DHRS3: variants seen among roughly 807,000 people sequenced by gnomAD.
DHRS3 encodes short-chain dehydrogenase/reductase 3.
A neutral mutation model predicts 27.2 loss-of-function variants in DHRS3; 14 were observed. The ratio of observed to expected loss-of-function variants is 0.52; its 90% CI spans 0.34 to 0.81. The LOEUF (loss-of-function observed/expected upper bound fraction) is 0.81. Among genes scored for constraint, DHRS3 ranks in the 30% least tolerant of loss-of-function variants. DHRS3 has a pLI of 0.01. For synonymous variants in DHRS3, 165 were observed against 175.9 expected (o/e 0.94, Z 0.49); for missense variants, 322 against 406.2 (o/e 0.79, Z 1.78).
rs1382990774 is a variant in DHRS3 at position 12,594,459 on chromosome 1, C to T, written c.196-13793G>A. 6.6e-6 allele frequency among the ~76,000 whole-genome samples: 1 copy of T among 152,124 alleles called. No homozygotes were observed. The highest frequency in any genetic ancestry group is 2.4e-5 in the African/African-American group (1 of 41,412). Reference sequence around the variant, plus strand: ...GACTGTATAGTAAGTAGTTTTCTAGCCACTAGAAAGTGCTAGATGTGCATG... The same window carrying T: ...GACTGTATAGTAAGTAGTTTTCTAGTCACTAGAAAGTGCTAGATGTGCATG... On this transcript the variant is annotated intron_variant, in intron 1 of 5. Transcript: ENST00000616661. This position sits in a 1 kb window ranked among gnomAD's most constrained non-coding sequence, Gnocchi z 4.1.
At chr1:12,604,738 C>G (rs1646858348) in intron 1 of DHRS3, among the ~76,000 whole-genome samples, 1 of 152,222 alleles carries the variant, frequency 6.6e-6, no homozygotes, top group Non-Finnish European at 1.5e-5. Flanking sequence ...AGGACGGCCA[C>G]TTCACCTGGA....
At chr1:12,604,449 T>G (rs1050207403) in intron 1 of DHRS3, among the ~76,000 whole-genome samples, 3 of 152,232 alleles carry the variant, frequency 2.0e-5, no homozygotes, top group Admixed American at 6.5e-5. Flanking sequence ...ATTCATTGTA[T>G]GCAAATACTG....
rs1460391236 is a variant in DHRS3 at position 12,594,995 on chromosome 1, C to A, written c.196-14329G>T. On this transcript the variant is annotated intron_variant, in intron 1 of 5. Coordinates refer to ENST00000616661, the MANE Select transcript of DHRS3 (RefSeq NM_004753.7). The surrounding 1 kb of genome is among the most constrained non-coding windows in gnomAD (Gnocchi z 4.1). ...TGCCGTTCCCTGAGCCCCAGCGCCT[C>A]CCTCTCCAGGAGGGTTGGCTCTGGC... is the stretch of plus-strand genomic sequence containing the variant. 1.3e-5 allele frequency among the ~76,000 whole-genome samples: 2 copies of A among 152,014 alleles called. No homozygotes were observed. Among genetic ancestry groups the A allele is most frequent in the Non-Finnish European group, 2.9e-5 (2 of 67,996 alleles).
intron 1 of DHRS3, among the ~76,000 whole-genome samples, chr1:12,587,141 CTT>C (rs564825355): frequency 1.9e-4 from 25 of 132,224 alleles, no homozygotes; most frequent in Non-Finnish European, 1.4e-4. Flanking sequence ...CAACTCTAAA[CTT>C]TTTTTTTTTT....
At chr1:12,610,448 G>C (rs185508485) in intron 1 of DHRS3, among the ~76,000 whole-genome samples, 9 of 152,224 alleles carry the variant, frequency 5.9e-5, no homozygotes, top group Non-Finnish European at 1.3e-4. Flanking sequence ...CTACATGGGT[G>C]GGGATTTTCA....
Position 12,591,726 on chromosome 1 carries a change from A to T in DHRS3, c.196-11060T>A, listed in dbSNP as rs1260486965. On this transcript the variant is annotated intron_variant, in intron 1 of 5. Coordinates refer to ENST00000616661, the MANE Select transcript of DHRS3 (RefSeq NM_004753.7). The surrounding 1 kb of genome is among the most constrained non-coding windows in gnomAD (Gnocchi z 4.1). ...TATGTAATTCCAAGCGGTAAGCGGT[A>T]GAGCTGGGACCTCAACTTATGCAAT... 6.6e-6 allele frequency among the ~76,000 whole-genome samples: 1 copy of T among 152,254 alleles called. No homozygotes were observed. Among genetic ancestry groups the T allele is most frequent in the Non-Finnish European group, 1.5e-5 (1 of 68,042 alleles).
chr1:12,577,963 G>A (rs181823329), intron 4 of DHRS3, among the ~76,000 whole-genome samples: 23 of 152,272 alleles, frequency 1.5e-4, no homozygotes, highest in African/African-American at 5.5e-4. Flanking sequence ...ATTTCTGAAG[G>A]TCTTGCTAGT....
chr1:12,608,107 C>T lies in DHRS3; in HGVS notation c.195+9047G>A, dbSNP rs756368884. On this transcript the variant is annotated intron_variant, in intron 1 of 5. Transcript: ENST00000616661. The surrounding 1 kb of genome is among the most constrained non-coding windows in gnomAD (Gnocchi z 4.1). The stretch of plus-strand genomic sequence containing the variant: ...GGACAGGCTGGTCTCGAACTCCTGA[C>T]GTCAAGTGATCTGCCCGCCTCGGCC... Among the ~76,000 whole-genome samples the T allele has an allele frequency of 2.6e-5, 4 of 152,092 alleles. No homozygotes were observed. The highest frequency in any genetic ancestry group is 5.9e-5 in the Non-Finnish European group (4 of 68,016).
intron 1 of DHRS3, among the ~76,000 whole-genome samples, chr1:12,599,987 G>T (rs1349469695): frequency 1.3e-5 from 2 of 152,174 alleles, no homozygotes; most frequent in Non-Finnish European, 2.9e-5. Context: ...AACAAAGACT[G>T]GTTGGAAGCC....
chr1:12,576,056 A>G (rs1048472781), intron 4 of DHRS3, among the ~76,000 whole-genome samples: 1 of 152,200 alleles, frequency 6.6e-6, no homozygotes, highest in African/African-American at 2.4e-5. Context: ...AAACTGAAGC[A>G]GAGAAAAGTC....
chr1:12,568,705 C>T (rs1259357379), intron 5 of DHRS3, among the ~76,000 whole-genome samples: 2 of 152,120 alleles, frequency 1.3e-5, no homozygotes, highest in Non-Finnish European at 2.9e-5. Flanking sequence ...ATGGGCGGAT[C>T]GCTTGAGCCC....
chr1:12,616,501 G>A lies in DHRS3; in HGVS notation c.195+653C>T, dbSNP rs890828124. 2.8e-5 allele frequency: 26 copies of A among 932,078 alleles called. No individual in the cohort carries two copies. The African/African-American group carries it at 4.5e-4, about 16-fold the overall frequency. The allele number at this position is 932,078 out of a possible 1,614,324, so 57.7% of individuals were successfully genotyped here. A position where few individuals can be genotyped will look rare whatever the true frequency, so the allele number is the denominator to read the frequency against. On this transcript the variant is annotated intron_variant, in intron 1 of 5. Coordinates refer to ENST00000616661, the MANE Select transcript of DHRS3 (RefSeq NM_004753.7). ...GGGAGGGATCCCTGGGGGGTGTACT[G>A]GGGGGGAGGGGACAGGGTTGAAGGT...
intron 1 of DHRS3, among the ~76,000 whole-genome samples, chr1:12,611,106 C>G (rs1321920120): frequency 6.6e-6 from 1 of 152,100 alleles, no homozygotes; most frequent in Non-Finnish European, 1.5e-5. Flanking sequence ...TGGAAATGAA[C>G]CAGAGAAAGT....
intron 1 of DHRS3, among the ~76,000 whole-genome samples, chr1:12,584,919 A>G (rs545995061): frequency 4.7e-5 from 7 of 147,544 alleles, no homozygotes; most frequent in African/African-American, 1.8e-4. Flanking sequence ...CTATGAGTGT[A>G]TCTGTGAGTG....
chr1:12,600,617 G>C (rs566480060), intron 1 of DHRS3, among the ~76,000 whole-genome samples: 3 of 152,168 alleles, frequency 2.0e-5, no homozygotes, highest in Non-Finnish European at 4.4e-5. Flanking sequence ...TGTGAGAGGG[G>C]CCACTGCTTG....
intron 3 of DHRS3, 129 bp downstream of exon 3, chr1:12,579,164 G>T: frequency 6.7e-6 from 10 of 1,496,898 alleles, no homozygotes; most frequent in Non-Finnish European, 9.1e-6. Context: ...CATTCGTCTT[G>T]TCTGGCCACC....
Position 12,592,389 on chromosome 1 carries a change from T to C in DHRS3, c.196-11723A>G, listed in dbSNP as rs541864686. On this transcript the variant is annotated intron_variant, in intron 1 of 5. Coordinates refer to ENST00000616661, the MANE Select transcript of DHRS3 (RefSeq NM_004753.7). This position sits in a 1 kb window ranked among gnomAD's most constrained non-coding sequence, Gnocchi z 4.2. ...AAAGTGAGATCACCCTGGGTTAGGG[T>C]GGGCTCTGAGTCTAAGGACTAGTGT... is the stretch of plus-strand genomic sequence containing the variant. Among the ~76,000 whole-genome samples the C allele has an allele frequency of 1.1e-4, 17 of 152,016 alleles. No homozygotes were observed. In the South Asian group the frequency reaches 3.3e-3, roughly 30 times the overall value.
Position 12,617,160 on chromosome 1 carries a change from G to T in DHRS3, c.189C>A (p.Ala63=). ...GAGTCGCAGTGCCTGGTACCTTTCT[G>T]GCGCCGCGCTCCGCGAACTCGCGGG... ...QLAREFAERG[A]RKIVLWGRTE... The change falls in exon 1 of 6, where the codon GCC becomes GCA. Residue 63 remains alanine, a synonymous_variant. Coordinates refer to ENST00000616661, the MANE Select transcript of DHRS3 (RefSeq NM_004753.7). 1.9e-6 allele frequency: 3 copies of T among 1,611,256 alleles called. No homozygotes were observed. The South Asian group carries it at 3.3e-5, about 18-fold the overall frequency.
intron 1 of DHRS3, 67 bp from the exon 2 acceptor site, chr1:12,580,733 C>A: frequency 6.5e-7 from 1 of 1,537,140 alleles, no homozygotes; most frequent in South Asian, 1.3e-5. Context: ...CAATTGCCAC[C>A]AGAAATTCAG....
Sources: gnomAD v4.1 joint callset for allele counts (sites outside exome capture counted in the v4.1 genomes callset) on GRCh38, gnomAD v4.1.1 for gene constraint, Gnocchi (gnomAD v3.1) non-coding constraint, MANE v1.5 for transcripts, NCBI Gene and HGNC (gene_info 2026-07-23, HGNC 2026-07-21) for gene names.